Variants in CES2 observed in about 807,000 individuals in gnomAD.
The protein encoded by CES2 is carboxylesterase 2, also known as cocaine esterase.
CES2 carries 42 observed loss-of-function variants against 52.1 expected under a neutral mutation model. The observed-to-expected ratio is 0.81, with a 90% CI of 0.63 to 1.04. The LOEUF is 1.04. Among genes scored for constraint, CES2 ranks in the 50% least tolerant of loss-of-function variants. CES2 has a pLI of 0.00. For missense variants in CES2, 656 were observed against 724.3 expected (o/e 0.91, Z 1.08); for synonymous variants, 277 against 289.6 (o/e 0.96, Z 0.44).
chr16:66,935,358 C>T (rs1963172910), upstream of CES2: 12 of 1,392,784 alleles, frequency 8.6e-6, no homozygotes, highest in Non-Finnish European at 1.2e-5. Context: ...AGGAATGGCA[C>T]AGCCCCTTCC....
In CES2 at chr16:66,941,131, C is replaced by T; in HGVS notation, c.824C>T (p.Ala275Val). 6.2e-7 allele frequency: 1 copy of T among 1,613,834 alleles called. No homozygotes were observed. The highest frequency in any genetic ancestry group is 8.5e-7 in the Non-Finnish European group (1 of 1,179,870). ...TGCCTGGTCCCTTTACAGGTGGTGG[C>T]CAACCTGTCTGCCTGTGACCAAGTT... ...SSADVISTVVANLSACDQVDS... is the reference protein window; with the variant it reads ...SSADVISTVVVNLSACDQVDS... Residue 275 changes from alanine to valine, a missense_variant, in exon 6 of 12, where the codon GCC becomes GTC. Ala to Val is a moderately conservative substitution (Grantham distance 64). Coordinates refer to ENST00000317091, the MANE Select transcript of CES2 (RefSeq NM_001365405.1).
At chr16:66,936,662 G>A (rs75356827) in intron 1 of CES2, among the ~76,000 whole-genome samples, 653 of 152,246 alleles carry the variant, frequency 4.3e-3, no homozygotes, top group African/African-American at 0.015. Context: ...ATCAGAAGCT[G>A]GGGGAGTGTT....
rs753612740 is a variant in CES2 at position 66,942,244 on chromosome 16, T to A, written c.1277T>A (p.Phe426Tyr). The change falls in exon 9 of 12, where the codon TTT becomes TAT. Residue 426 changes from phenylalanine to tyrosine, a missense_variant. Phe to Tyr is a conservative substitution (Grantham distance 22). Transcript: ENST00000317091. ...ATCCCTGCACTCCAAGTAGCACATT[T>A]TCAGTGTGAGTATATTTGGACCAAA... ...FVIPALQVAH[F>Y]QCSRAPVYFY... is the part of the protein sequence containing the mutation. 4 of 1,610,558 alleles carry A rather than the reference T, an allele frequency of 2.5e-6. No individual in the cohort carries two copies. Among genetic ancestry groups the A allele is most frequent in the Admixed American group, 1.7e-5 (1 of 59,806 alleles).
In CES2 at chr16:66,938,169, C is replaced by T. The variant is rs752262052; in HGVS notation, c.209C>T (p.Pro70Leu). ...GIPFAKPPLGPLRFAPPEPPE... is the reference protein window; with the variant it reads ...GIPFAKPPLGLLRFAPPEPPE... ...CCATTTGCCAAGCCACCTCTAGGTCCGCTGCGATTTGCACCCCCTGAGCCC... is the reference window on the plus strand; with the variant it reads ...CCATTTGCCAAGCCACCTCTAGGTCTGCTGCGATTTGCACCCCCTGAGCCC... The change falls in exon 2 of 12, where the codon CCG becomes CTG. Residue 70 changes from proline to leucine, a missense_variant. Coordinates refer to ENST00000317091, the MANE Select transcript of CES2 (RefSeq NM_001365405.1). 2.9e-5 allele frequency: 46 copies of T among 1,614,006 alleles called. 1 individual carries two copies. Among genetic ancestry groups the T allele is most frequent in the South Asian group, 5.5e-5 (5 of 91,082 alleles).
At chr16:66,942,898 A>G in intron 10 of CES2, 113 bp downstream of exon 10, 1 of 1,543,292 alleles carries the variant, frequency 6.5e-7, no homozygotes, top group Non-Finnish European at 8.7e-7. Flanking sequence ...AGAGAGGATG[A>G]GATCAGGTGT....
Position 66,938,067 on chromosome 16 carries a change from C to T in CES2, c.107C>T (p.Thr36Ile). The change falls in exon 2 of 12, where the codon ACA becomes ATA. Residue 36 changes from threonine to isoleucine, a missense_variant. Thr to Ile is a moderately conservative substitution (Grantham distance 89). Transcript: ENST00000317091. The stretch of plus-strand genomic sequence containing the variant: ...GACTCAGCCAGTCCCATCCGGACCA[C>T]ACACACGGGGCAGGTGCTGGGGAGT... Reference protein sequence around the residue: ...GQDSASPIRTTHTGQVLGSLV... With the variant: ...GQDSASPIRTIHTGQVLGSLV... The T allele has an allele frequency of 1.9e-6, 3 of 1,614,212 alleles. No individual in the cohort carries two copies. Among genetic ancestry groups the T allele is most frequent in the African/African-American group, 1.3e-5 (1 of 75,052 alleles).
In CES2 at chr16:66,944,142, T is replaced by C; in HGVS notation, c.*117T>C. On this transcript the variant is annotated 3_prime_UTR_variant, in exon 12 of 12. Transcript: ENST00000317091. ...ATTCCTTCATTCACTTCGCCATTCA[T>C]TCATACTTCCGTCCATCCATTCAGA... 1.9e-6 allele frequency: 1 copy of C among 532,930 alleles called. No homozygotes were observed. The highest frequency in any genetic ancestry group is 3.1e-5 in the South Asian group (1 of 32,014). The allele number at this position is 532,930 out of a possible 1,614,324, so 33.0% of individuals were successfully genotyped here. A position where few individuals can be genotyped will look rare whatever the true frequency, so the allele number is the denominator to read the frequency against.
rs1963264501 is a variant in CES2, at chr16:66,938,208, G to A, written c.248G>A (p.Ser83Asn). The A allele has an allele frequency of 6.2e-7, 1 of 1,614,182 alleles. No homozygotes were observed. The highest frequency in any genetic ancestry group is 1.1e-5 in the South Asian group (1 of 91,086). Residue 83 changes from serine to asparagine, a missense_variant, in exon 2 of 12, where the codon AGT (serine) becomes AAT (asparagine). Physicochemically the swap from Ser to Asn is conservative, Grantham distance 46 (BLOSUM62 1). Transcript: ENST00000317091. ...CCCCCTGAGCCCCCTGAATCTTGGAGTGGTGTGAGGGATGGAACCACCCAT... is the reference window on the plus strand; with the variant it reads ...CCCCCTGAGCCCCCTGAATCTTGGAATGGTGTGAGGGATGGAACCACCCAT... The part of the protein sequence containing the change: ...FAPPEPPESW[S>N]GVRDGTTHPA...
chr16:66,941,331 G>C, intron 6 of CES2, 109 bp downstream of exon 6: 1 of 1,532,004 alleles, frequency 6.5e-7, no homozygotes, highest in Non-Finnish European at 8.8e-7. Context: ...CTGCATGCCT[G>C]AGTGTCATAG....
intron 9 of CES2, 132 bp from the exon 10 acceptor site, chr16:66,942,516 C>T (rs1322043103): frequency 1.4e-5 from 14 of 1,036,106 alleles, no homozygotes; most frequent in Admixed American, 2.7e-5. Flanking sequence ...TCTATTCCTG[C>T]CCCAGCCTGG....
In CES2 at chr16:66,940,329, C is replaced by T. The variant is rs756754102; in HGVS notation, c.531C>T (p.Tyr177=). 1 of 1,614,206 alleles carries T rather than the reference C, an allele frequency of 6.2e-7. No individual in the cohort carries two copies. Residue 177 remains tyrosine, a synonymous_variant, in exon 4 of 12, where the codon TAC becomes TAT. Transcript: ENST00000317091. ...ACGTGGTGGTGGTCATCATCCAGTA[C>T]CGCCTGGGTGTCCTGGGCTTCTTCA... ...LENVVVVIIQ[Y]RLGVLGFFST...
intron 1 of CES2, chr16:66,936,060 G>T (rs563825352): frequency 1.5e-4 from 175 of 1,188,788 alleles, no homozygotes; most frequent in African/African-American, 1.2e-3. Context: ...GGCTGTAGCG[G>T]GTGCTGCCGG....
intron 1 of CES2, chr16:66,935,925 A>G (rs112435663): frequency 4.9e-6 from 7 of 1,439,626 alleles, no homozygotes; most frequent in Non-Finnish European, 6.4e-6. Flanking sequence ...CACCACGGCA[A>G]GGAACCAGCG....
Position 66,941,262 on chromosome 16 carries a change from A to G in CES2, c.915+40A>G, listed in dbSNP as rs1963356167. ...ATGTGGGTGTAGAGGAAGGGGTGCA[A>G]TAGGCATGGGGCTGGCAGGCCTGCA... is the stretch of plus-strand genomic sequence containing the variant. On this transcript the variant is annotated intron_variant, in intron 6 of 11. Coordinates refer to ENST00000317091, the MANE Select transcript of CES2 (RefSeq NM_001365405.1). 8 of 1,608,274 alleles carry G rather than the reference A, an allele frequency of 5.0e-6. No individual in the cohort carries two copies. In the South Asian group the frequency reaches 8.9e-5, roughly 18 times the overall value.
chr16:66,941,013 T>A, intron 5 of CES2, 111 bp from the exon 6 acceptor site: 1 of 1,464,096 alleles, frequency 6.8e-7, no homozygotes, highest in Non-Finnish European at 9.2e-7. Context: ...CAGGAACTCA[T>A]ACGAAGTACC....
Position 66,943,613 on chromosome 16 carries a change from C to T in CES2, c.1494-226C>T. ...TGTGCCACCGTCAGGGCCTCCCTCT[C>T]AGAGAGAGGGACACAACAGAGCTGG... On this transcript the variant is annotated intron_variant, in intron 11 of 11. Transcript: ENST00000317091. The surrounding 1 kb of genome is among the most constrained non-coding windows in gnomAD (Gnocchi z 4.2). The T allele has an allele frequency of 3.4e-6, 2 of 585,450 alleles. No homozygotes were observed. The highest frequency in any genetic ancestry group is 2.8e-5 in the East Asian group (1 of 35,112). The allele number at this position is 585,450 out of a possible 1,614,324, so 36.3% of individuals were successfully genotyped here. A position where few individuals can be genotyped will look rare whatever the true frequency, so the allele number is the denominator to read the frequency against.
Position 66,941,199 on chromosome 16 carries a change from G to C in CES2, c.892G>C (p.Glu298Gln). The C allele has an allele frequency of 6.2e-7, 1 of 1,614,170 alleles. No individual in the cohort carries two copies. Among genetic ancestry groups the C allele is most frequent in the South Asian group, 1.1e-5 (1 of 91,056 alleles). The change falls in exon 6 of 12, where the codon GAG (glutamate) becomes CAG (glutamine). Residue 298 changes from glutamate (E) to glutamine (Q), a missense_variant. Coordinates refer to ENST00000317091, the MANE Select transcript of CES2 (RefSeq NM_001365405.1). Reference protein sequence around the residue: ...LVGCLRGKSKEEILAINKPFK... With the variant: ...LVGCLRGKSKQEILAINKPFK... ...GGGCTGCCTGCGGGGCAAGAGTAAA[G>C]AGGAGATTCTTGCAATTAACAAGGT...
chr16:66,936,591 A>G (rs1410428364), intron 1 of CES2, among the ~76,000 whole-genome samples: 1 of 152,170 alleles, frequency 6.6e-6, no homozygotes, highest in African/African-American at 2.4e-5. Context: ...GCAAGGGCAC[A>G]ACTTGGCTTC....
rs1963380244 is a variant in CES2 at position 66,942,093 on chromosome 16, C to T, written c.1138-12C>T. 1 of 1,595,430 alleles carries T rather than the reference C, an allele frequency of 6.3e-7. No individual in the cohort carries two copies. The highest frequency in any genetic ancestry group is 8.6e-7 in the Non-Finnish European group (1 of 1,166,882). Reference sequence around the variant, plus strand: ...CAGTCTAACCTGCCTCTTCCTGATCCACCTGGGGTAGATGTTGCCTCCTAC... The same window carrying T: ...CAGTCTAACCTGCCTCTTCCTGATCTACCTGGGGTAGATGTTGCCTCCTAC... On this transcript the variant is annotated splice_polypyrimidine_tract_variant and intron_variant, in intron 8 of 11. Transcript: ENST00000317091.
Sources: allele counts gnomAD v4.1 joint callset (sites outside exome capture counted in the v4.1 genomes callset), GRCh38; gene constraint gnomAD v4.1.1; non-coding constraint Gnocchi (gnomAD v3.1); transcripts MANE v1.5; gene names NCBI Gene and HGNC (gene_info 2026-07-23, HGNC 2026-07-21).